The following JAML variants were observed in gnomAD, a reference collection of about 807,000 sequenced individuals.
JAML encodes the protein junctional adhesion molecule-like.
A neutral mutation model predicts 39.3 loss-of-function variants in JAML; 25 were observed. The ratio of observed to expected loss-of-function variants is 0.64; its 90% CI spans 0.46 to 0.89. The LOEUF (loss-of-function observed/expected upper bound fraction) is 0.89. Ranked by LOEUF, JAML falls within the 40% of genes least tolerant of loss-of-function variation. The pLI is 0.00. For missense variants in JAML, 440 were observed against 486.9 expected, an observed-to-expected ratio of 0.90 and a Z score of 0.91; for synonymous variants, 162 against 179.2, an observed-to-expected ratio of 0.90 and a Z score of 0.77.
chr11:118,210,769 G>C (rs941020607), intron 3 of JAML, 57 bp from the exon 4 acceptor site: 2 of 1,424,036 alleles, frequency 1.4e-6, no homozygotes, highest in African/African-American at 2.8e-5. Context: ...CGAGGAGCCT[G>C]GATCCCAAAG....
intron 4 of JAML, among the ~76,000 whole-genome samples, chr11:118,209,553 C>T (rs11216818): frequency 0.23 from 34,972 of 152,076 alleles, 4,626 homozygotes; most frequent in African/African-American, 0.36. Flanking sequence ...AGGGTCTCAG[C>T]TCTGTCACCC....
intron 1 of JAML, among the ~76,000 whole-genome samples, chr11:118,223,143 A>G (rs531739610): frequency 1.3e-5 from 2 of 151,570 alleles, no homozygotes; most frequent in Non-Finnish European, 2.9e-5. Context: ...TGATGGTTTA[A>G]GCAAGTTGAA....
chr11:118,205,300 T>C (rs1387284817), intron 5 of JAML: 1 of 152,358 alleles, frequency 6.6e-6, no homozygotes, highest in Non-Finnish European at 1.5e-5. Context: ...GACCACATCA[T>C]GGTTGAGAGC....
chr11:118,207,984 A>T (rs1388294301), intron 4 of JAML, among the ~76,000 whole-genome samples: 2 of 152,178 alleles, frequency 1.3e-5, no homozygotes, highest in Admixed American at 6.5e-5. Flanking sequence ...AATACCAGCA[A>T]TTTGGAGAGG....
intron 8 of JAML, 30 bp from the exon 9 acceptor site, chr11:118,196,851 T>TA (rs1565472060): frequency 6.4e-7 from 1 of 1,555,524 alleles, no homozygotes; most frequent in Admixed American, 1.7e-5. Context: ...CAAAAATTCC[T>TA]AAAAATTAGA....
intron 7 of JAML, among the ~76,000 whole-genome samples, chr11:118,198,963 T>G (rs900432208): frequency 2.0e-5 from 3 of 152,212 alleles, no homozygotes; most frequent in Admixed American, 2.0e-4. Context: ...TAAAATGTAT[T>G]TAGTACATAT....
rs1949037622 is a variant in JAML, at chr11:118,210,704, A to G, written c.207T>C (p.Tyr69=). ...TGAGATTGGAGTAATAGTATAGCAC[A>G]TATTCGTCCTGAAGGGCAAAACAGT... ...LSPGEHAKDE[Y]VLYYYSNLSV... is the part of the protein sequence containing the mutation. The change falls in exon 4 of 10, where the codon TAT becomes TAC. Residue 69 remains tyrosine, a synonymous_variant. Transcript: ENST00000356289. 6.2e-7 allele frequency: 1 copy of G among 1,614,010 alleles called. No homozygotes were observed. Among genetic ancestry groups the G allele is most frequent in the Non-Finnish European group, 8.5e-7 (1 of 1,179,872 alleles).
At chr11:118,204,021 G>T in intron 5 of JAML, 1 of 253,318 alleles carries the variant, frequency 3.9e-6, no homozygotes, top group Non-Finnish European at 7.9e-6. Flanking sequence ...GTCTAAAACT[G>T]AACTCTTCAT....
chr11:118,218,035 C>A (rs1351129822), intron 1 of JAML, among the ~76,000 whole-genome samples: 1 of 152,218 alleles, frequency 6.6e-6, no homozygotes, highest in African/African-American at 2.4e-5. Flanking sequence ...AGTTAAATAT[C>A]ATTTCCTCGG....
intron 4 of JAML, 28 bp downstream of exon 4, chr11:118,210,459 G>T (rs950311159): frequency 1.2e-6 from 2 of 1,609,174 alleles, no homozygotes; most frequent in South Asian, 1.1e-5. Context: ...TTGCCCCTTG[G>T]CCCCTCTTTA....
chr11:118,221,896 C>G (rs1949213567), intron 1 of JAML, among the ~76,000 whole-genome samples: 1 of 152,184 alleles, frequency 6.6e-6, no homozygotes, highest in Non-Finnish European at 1.5e-5. Flanking sequence ...TTTGGAGACA[C>G]CTTGTGTGTC....
At chr11:118,221,823 A>G (rs1949212931) in intron 1 of JAML, among the ~76,000 whole-genome samples, 1 of 152,004 alleles carries the variant, frequency 6.6e-6, no homozygotes. Context: ...CCTGTCTTGA[A>G]ATTTTCTTTT....
intron 8 of JAML, 40 bp from the exon 9 acceptor site, chr11:118,196,861 A>G (rs1948668524): frequency 6.6e-7 from 1 of 1,524,576 alleles, no homozygotes. Flanking sequence ...TAAAAATTAG[A>G]TGAATCTTAT....
At position 118,212,917 on chromosome 11, in the gene JAML, T is replaced by A. The variant is rs149720205; in HGVS notation, c.44-356A>T. 28 of 1,614,128 alleles carry A rather than the reference T, an allele frequency of 1.7e-5. No individual in the cohort carries two copies. In the African/African-American group the frequency reaches 2.9e-4, roughly 17 times the overall value. Reference sequence around the variant, plus strand: ...TTTAGAAACTCACCTCCACTTACCATAACGACGAAATGGGTTGTTCCTTGC... The same window carrying A: ...TTTAGAAACTCACCTCCACTTACCAAAACGACGAAATGGGTTGTTCCTTGC... On this transcript the variant is annotated intron_variant, in intron 2 of 9. Transcript: ENST00000356289.
intron 4 of JAML, chr11:118,209,164 T>C: frequency 3.2e-6 from 1 of 309,012 alleles, no homozygotes; most frequent in Admixed American, 3.4e-5. Context: ...CTCCTTTGGT[T>C]ACAGTCTCAG....
rs1948805290 is a variant in JAML at position 118,201,773 on chromosome 11, A to G, written c.773-1161T>C. The G allele has an allele frequency of 1.3e-5, 2 of 152,248 alleles. 1 individual carries two copies. Among genetic ancestry groups the G allele is most frequent in the South Asian group, 4.1e-4 (2 of 4,834 alleles). The allele number at this position is 152,248 out of a possible 1,614,324, so 9.4% of individuals were successfully genotyped here. A position where few individuals can be genotyped will look rare whatever the true frequency, so the allele number is the denominator to read the frequency against. On this transcript the variant is annotated intron_variant, in intron 6 of 9. Transcript: ENST00000356289. ...AGACTGGAAGGAAGACAACTTCAAG[A>G]GTCTGTAGTAGGAGTCAAGGACTTG...
chr11:118,211,285 C>A (rs975656602), intron 3 of JAML, among the ~76,000 whole-genome samples: 1 of 152,184 alleles, frequency 6.6e-6, no homozygotes, highest in Admixed American at 6.5e-5. Context: ...TTCTGTCACC[C>A]GGGCTGGAGT....
chr11:118,199,599 C>T, intron 7 of JAML, among the ~76,000 whole-genome samples: 1 of 152,036 alleles, frequency 6.6e-6, no homozygotes, highest in East Asian at 1.9e-4. Context: ...CAGTGAAACA[C>T]AAGTGTCCCT....
chr11:118,219,247 G>A (rs908293991), intron 1 of JAML, among the ~76,000 whole-genome samples: 4 of 152,180 alleles, frequency 2.6e-5, no homozygotes, highest in African/African-American at 4.8e-5. Context: ...AGTTAGGGTG[G>A]TTATTATCAA....
Sources: gnomAD v4.1 joint callset for allele counts (sites outside exome capture counted in the v4.1 genomes callset) on GRCh38, gnomAD v4.1.1 for gene constraint, MANE v1.5 for transcripts, NCBI Gene and HGNC (gene_info 2026-07-23, HGNC 2026-07-21) for gene names.